KAT14: variants seen among roughly 807,000 people sequenced by gnomAD.
KAT14 encodes the protein lysine acetyltransferase 14.
Under a neutral mutation model 78.4 loss-of-function variants are expected in KAT14, and 66 were observed. The ratio of observed to expected loss-of-function variants is 0.84; its 90% CI spans 0.69 to 1.03. The LOEUF (loss-of-function observed/expected upper bound fraction) is 1.03, where lower values mean the gene tolerates loss of function less well. KAT14 is among the 50% of genes least tolerant of loss of function. The pLI, the probability that KAT14 is intolerant of heterozygous loss-of-function variation, is 0.00. For synonymous variants in KAT14, 344 were observed against 359.4 expected, an observed-to-expected ratio of 0.96 and a Z score of 0.48; for missense variants, 870 against 972.5, an observed-to-expected ratio of 0.89 and a Z score of 1.40.
intron 3 of KAT14, among the ~76,000 whole-genome samples, chr20:18,149,302 A>G (rs2037951535): frequency 6.6e-6 from 1 of 152,244 alleles, no homozygotes; most frequent in Non-Finnish European, 1.5e-5. Flanking sequence ...CACCACCACC[A>G]TCCACCTCCA....
At chr20:18,139,142 CAT>C (rs2037422105) in intron 1 of KAT14, among the ~76,000 whole-genome samples, 1 of 152,090 alleles carries the variant, frequency 6.6e-6, no homozygotes, top group Non-Finnish European at 1.5e-5. Context: ...AGAGAGGAAG[CAT>C]GTGATGGTAC....
At chr20:18,167,513 A>G (rs1245165792) in intron 7 of KAT14, among the ~76,000 whole-genome samples, 1 of 152,122 alleles carries the variant, frequency 6.6e-6, no homozygotes, top group Non-Finnish European at 1.5e-5. Flanking sequence ...CTTGTTTTAT[A>G]TTTATTCTTT....
chr20:18,138,140 C>T (rs1038396641), intron 1 of KAT14, 89 bp downstream of exon 1: 20 of 1,355,142 alleles, frequency 1.5e-5, no homozygotes, highest in African/African-American at 1.2e-4. Flanking sequence ...GGTTCCTCAG[C>T]TCCTCTTCGT....
chr20:18,140,601 G>A (rs1255708604), intron 1 of KAT14, among the ~76,000 whole-genome samples: 3 of 151,908 alleles, frequency 2.0e-5, no homozygotes, highest in African/African-American at 7.3e-5. Context: ...TTTGAGGTCA[G>A]GAGTTCGAGA....
At chr20:18,153,948 CA>C (rs2146391566) in intron 4 of KAT14, among the ~76,000 whole-genome samples, 1 of 152,274 alleles carries the variant, frequency 6.6e-6, no homozygotes, top group Non-Finnish European at 1.5e-5. Context: ...CTTTTCCAGT[CA>C]AAAAGGGAGG....
chr20:18,172,302 A>G (rs1214102408), intron 7 of KAT14, among the ~76,000 whole-genome samples: 1 of 151,748 alleles, frequency 6.6e-6, no homozygotes, highest in African/African-American at 2.4e-5. Context: ...GGATTTCACC[A>G]TATTGGCCAG....
At chr20:18,181,602 C>T (rs913197659) in intron 7 of KAT14, 108 bp from the exon 8 acceptor site, 1 of 1,500,000 alleles carries the variant, frequency 6.7e-7, no homozygotes, top group Non-Finnish European at 9.0e-7. Flanking sequence ...ATCTTGTGAC[C>T]TTGTGATCCG....
Position 18,181,699 on chromosome 20 carries a change from C to G in KAT14, c.1669-11C>G, listed in dbSNP as rs775889354. The G allele has an allele frequency of 5.6e-6, 9 of 1,614,042 alleles. No individual in the cohort carries two copies. Among genetic ancestry groups the G allele is most frequent in the Middle Eastern group, 3.3e-4 (2 of 6,060 alleles). Reference sequence around the variant, plus strand: ...AATTATTTCTATATAACCAGTGTTTCTTTCTCATAGACTTCCTTGCCGTCC... The same window carrying G: ...AATTATTTCTATATAACCAGTGTTTGTTTCTCATAGACTTCCTTGCCGTCC... On this transcript the variant is annotated splice_polypyrimidine_tract_variant and intron_variant, in intron 7 of 10. Transcript: ENST00000688188.
At chr20:18,154,203 G>A (rs919789414) in intron 4 of KAT14, among the ~76,000 whole-genome samples, 14 of 152,280 alleles carry the variant, frequency 9.2e-5, no homozygotes, top group Admixed American at 3.9e-4. Context: ...CAAGATTACC[G>A]TACCCCAGAG....
At chr20:18,141,112 C>T (rs1373154118) in intron 1 of KAT14, among the ~76,000 whole-genome samples, 1 of 143,488 alleles carries the variant, frequency 7.0e-6, no homozygotes, top group African/African-American at 2.6e-5. Flanking sequence ...CTTCTGAGCT[C>T]AAGCAGTCTG....
chr20:18,138,295 G>A, intron 1 of KAT14: 15 of 1,198,332 alleles, frequency 1.3e-5, no homozygotes, highest in Non-Finnish European at 1.4e-5. Flanking sequence ...CCGGCTTAGC[G>A]CCTTTGGAGC....
chr20:18,160,772 A>G (rs1005025223), intron 5 of KAT14, among the ~76,000 whole-genome samples: 2 of 152,146 alleles, frequency 1.3e-5, no homozygotes, highest in African/African-American at 2.4e-5. Flanking sequence ...CAGTGCTACA[A>G]TTCTACAAAT....
rs747595310 is a variant in KAT14 at position 18,187,484 on chromosome 20, G to C, written c.*25G>C. On this transcript the variant is annotated 3_prime_UTR_variant, in exon 11 of 11. Coordinates refer to ENST00000688188, the MANE Select transcript of KAT14 (RefSeq NM_001392073.1). Reference sequence around the variant, plus strand: ...ATGCGAATACAGCTCACAGAGAAACGCATGTGCTATTGGAGAACAGGTCTT... The same window carrying C: ...ATGCGAATACAGCTCACAGAGAAACCCATGTGCTATTGGAGAACAGGTCTT... 5 of 1,612,978 alleles carry C rather than the reference G, an allele frequency of 3.1e-6. No individual in the cohort carries two copies. Among genetic ancestry groups the C allele is most frequent in the Non-Finnish European group, 3.4e-6 (4 of 1,179,654 alleles).
At chr20:18,185,063 C>G (rs761870586) in intron 10 of KAT14, among the ~76,000 whole-genome samples, 1 of 152,054 alleles carries the variant, frequency 6.6e-6, no homozygotes, top group Non-Finnish European at 1.5e-5. Context: ...GAGAAAATAC[C>G]AAAAGCAAGA....
At chr20:18,171,638 C>T (rs926558123) in intron 7 of KAT14, among the ~76,000 whole-genome samples, 2 of 152,158 alleles carry the variant, frequency 1.3e-5, no homozygotes, top group Admixed American at 6.5e-5. Flanking sequence ...ATAGTGAAAC[C>T]CTGTCTTTAC....
Position 18,145,258 on chromosome 20 carries a change from C to A in KAT14, c.285C>A (p.Tyr95Ter). The A allele has an allele frequency of 6.2e-7, 1 of 1,614,116 alleles. No homozygotes were observed. Among genetic ancestry groups the A allele is most frequent in the Non-Finnish European group, 8.5e-7 (1 of 1,180,020 alleles). Reference sequence around the variant, plus strand: ...GTCAGCTGAGGGAACAGCTCAGTTACCTTAAGGGTGATAATTTTTTTAGGT... The same window carrying A: ...GTCAGCTGAGGGAACAGCTCAGTTAACTTAAGGGTGATAATTTTTTTAGGT... ...PASQLREQLS[Y>*]LKGDNFFRFT... Residue 95 changes from tyrosine to a stop codon, truncating the protein, a stop_gained, in exon 3 of 11, where the codon TAC becomes TAA. Transcript: ENST00000688188. LOFTEE classifies it high-confidence loss of function.
rs757472873 is a variant in KAT14 at position 18,162,122 on chromosome 20, T to C, written c.982T>C (p.Ser328Pro). ...DRTPLTSPSP[S>P]PSLDFSAPGT... ...CACCCCGCTGACAAGCCCATCTCCT[T>C]CTCCTTCTCTGGATTTCTCTGCCCC... The change falls in exon 6 of 11, where the codon TCT (serine) becomes CCT (proline). Residue 328 changes from serine (S) to proline (P), a missense_variant. Transcript: ENST00000688188. The C allele has an allele frequency of 4.3e-6, 7 of 1,614,186 alleles. No homozygotes were observed. The highest frequency in any genetic ancestry group is 5.9e-6 in the Non-Finnish European group (7 of 1,180,016).
rs2037619642 is a variant in KAT14 at position 18,142,346 on chromosome 20, C to G, written c.-315C>G. ...GAAGATGTTATTGGCAAAAGGATCT[C>G]AAAAATCATGACTTGAATGTGAAAT... On this transcript the variant is annotated 5_prime_UTR_variant, in exon 2 of 11. Transcript: ENST00000688188. 1 of 1,535,758 alleles carries G rather than the reference C, an allele frequency of 6.5e-7. No homozygotes were observed. Among genetic ancestry groups the G allele is most frequent in the Non-Finnish European group, 8.7e-7 (1 of 1,146,084 alleles).
At chr20:18,140,443 G>GA (rs924211475) in intron 1 of KAT14, among the ~76,000 whole-genome samples, 17 of 151,894 alleles carry the variant, frequency 1.1e-4, no homozygotes, top group African/African-American at 4.1e-4. Flanking sequence ...AAATAATTTG[G>GA]AAAAAACCCC....
Sources: gnomAD v4.1 joint callset for allele counts (sites outside exome capture counted in the v4.1 genomes callset) on GRCh38, gnomAD v4.1.1 for gene constraint, MANE v1.5 for transcripts, NCBI Gene and HGNC (gene_info 2026-07-23, HGNC 2026-07-21) for gene names.